Variants in DLG5 observed in about 807,000 individuals in gnomAD.
DLG5 encodes the protein discs large MAGUK scaffold protein 5, also known as disks large homolog 5.
DLG5 carries 48 observed loss-of-function variants against 189.8 expected under a neutral mutation model. The observed-to-expected ratio is 0.25, with a 90% confidence interval of 0.20 to 0.32. The LOEUF (loss-of-function observed/expected upper bound fraction) is 0.32, where lower values mean the gene tolerates loss of function less well. Among genes scored for constraint, DLG5 ranks in the 10% least tolerant of loss-of-function variants. DLG5 has a pLI of 1.00. For missense variants in DLG5, 2,160 were observed against 2,544.7 expected (o/e 0.85, Z 3.25); for synonymous variants, 1,016 against 1,054.1 (o/e 0.96, Z 0.70).
At chr10:77,912,881 A>C (rs1432549379) in intron 1 of DLG5, among the ~76,000 whole-genome samples, 1 of 152,126 alleles carries the variant, frequency 6.6e-6, no homozygotes, top group Non-Finnish European at 1.5e-5. Flanking sequence ...TTAAACCAAA[A>C]GCAAGCAGAC....
At chr10:77,917,356 A>G (rs867841603) in intron 1 of DLG5, among the ~76,000 whole-genome samples, 11 of 151,734 alleles carry the variant, frequency 7.2e-5, no homozygotes, top group African/African-American at 2.7e-4. Flanking sequence ...AAAAACAAAC[A>G]AACAAAAAAA....
At chr10:77,813,395 T>C (rs1841882267) in intron 20 of DLG5, among the ~76,000 whole-genome samples, 1 of 152,152 alleles carries the variant, frequency 6.6e-6, no homozygotes, top group Non-Finnish European at 1.5e-5. Context: ...TGTGGCCCTA[T>C]GCCCCAGCCC....
intron 18 of DLG5, among the ~76,000 whole-genome samples, chr10:77,817,311 G>A (rs773425252): frequency 2.0e-5 from 3 of 152,178 alleles, no homozygotes; most frequent in East Asian, 3.9e-4. Flanking sequence ...GAACAGGAGC[G>A]CACAAGTCTC....
chr10:77,828,847 C>T lies in DLG5; in HGVS notation c.2289+35G>A, dbSNP rs193226211. 50 of 1,596,122 alleles carry T rather than the reference C, an allele frequency of 3.1e-5. No individual in the cohort carries two copies. In the South Asian group the frequency reaches 4.8e-4, roughly 15 times the overall value. On this transcript the variant is annotated intron_variant, in intron 13 of 31. Coordinates refer to ENST00000372391, the MANE Select transcript of DLG5 (RefSeq NM_004747.4). ...CTCCCAAATGTAATCTGCCTATGCA[C>T]GGCAGATGACCCTGGCTCCAGCCTT... is the stretch of plus-strand genomic sequence containing the variant.
chr10:77,817,035 A>G lies in DLG5; in HGVS notation c.3846T>C (p.Tyr1282=). 6.2e-7 allele frequency: 1 copy of G among 1,614,120 alleles called. No individual in the cohort carries two copies. Among genetic ancestry groups the G allele is most frequent in the Non-Finnish European group, 8.5e-7 (1 of 1,180,044 alleles). ...ERIKIPSTPR[Y]PRSVVGSERG... ...TCTCGGAGCCCACGACACTCCGCGG[A>G]TATCTTGGTGTTGATGGGATTTTAA... Residue 1282 remains tyrosine (Y), a synonymous_variant, in exon 19 of 32, where the codon TAT becomes TAC. Transcript: ENST00000372391.
chr10:77,898,658 C>T (rs1424398565), intron 1 of DLG5, among the ~76,000 whole-genome samples: 1 of 152,216 alleles, frequency 6.6e-6, no homozygotes, highest in Non-Finnish European at 1.5e-5. Context: ...GCGGCTGGGC[C>T]CCGCGTCTAT....
chr10:77,936,376 T>C, the DLG5 span, among the ~76,000 whole-genome samples: 1 of 147,480 alleles, frequency 6.8e-6, no homozygotes, highest in Non-Finnish European at 1.5e-5. Flanking sequence ...AGTTGGAGGT[T>C]GCAGTGAGCC....
intron 1 of DLG5, among the ~76,000 whole-genome samples, chr10:77,916,813 A>T (rs938669116): frequency 1.3e-5 from 2 of 151,522 alleles, no homozygotes; most frequent in Non-Finnish European, 2.9e-5. Flanking sequence ...TTGTACACCC[A>T]TGGTGTCATA....
At chr10:77,857,875 C>T (rs1293148421) in intron 2 of DLG5, among the ~76,000 whole-genome samples, 3 of 152,194 alleles carry the variant, frequency 2.0e-5, no homozygotes, top group African/African-American at 7.2e-5. Flanking sequence ...TGTCAGGGGA[C>T]ACAGTGTCTG....
At chr10:77,824,596 C>T (rs1842524150) in intron 13 of DLG5, 120 bp from the exon 14 acceptor site, 1 of 732,404 alleles carries the variant, frequency 1.4e-6, no homozygotes, top group African/African-American at 1.8e-5. Flanking sequence ...GTGCCAAAGT[C>T]AGGAGTTGGC....
chr10:77,918,595 AT>A (rs1178634756), intron 1 of DLG5, among the ~76,000 whole-genome samples: 1 of 152,166 alleles, frequency 6.6e-6, no homozygotes, highest in Admixed American at 6.5e-5. Flanking sequence ...AAACATCTCT[AT>A]TTGGTTTAAA....
intron 1 of DLG5, among the ~76,000 whole-genome samples, chr10:77,917,394 T>C (rs1351325527): frequency 1.3e-5 from 2 of 151,640 alleles, no homozygotes; most frequent in Non-Finnish European, 2.9e-5. Context: ...CATGTGCCTA[T>C]AGTCCCTGCT....
At chr10:77,810,137 C>G (rs765633918) in intron 23 of DLG5, among the ~76,000 whole-genome samples, 2 of 152,224 alleles carry the variant, frequency 1.3e-5, no homozygotes, top group Non-Finnish European at 2.9e-5. Context: ...CAAATGTCTA[C>G]GAAGAAGCTT....
chr10:77,804,939 G>C (rs1216091411), intron 27 of DLG5, among the ~76,000 whole-genome samples: 2 of 152,076 alleles, frequency 1.3e-5, no homozygotes, highest in Non-Finnish European at 2.9e-5. Context: ...TCTTACTGAG[G>C]CCAGCAATGC....
intron 26 of DLG5, 40 bp downstream of exon 26, chr10:77,806,718 A>AGGGCGCCC: frequency 7.5e-7 from 1 of 1,333,652 alleles, no homozygotes; most frequent in Non-Finnish European, 1.1e-6. Context: ...GCCCTCGGCG[A>AGGGCGCCC]CCCCTGCCCC....
intron 27 of DLG5, among the ~76,000 whole-genome samples, chr10:77,797,116 G>A (rs570442248): frequency 5.1e-4 from 78 of 152,320 alleles, no homozygotes; most frequent in African/African-American, 1.3e-3. Flanking sequence ...AGGGACCTGG[G>A]TCCTGGATGA....
In DLG5 at chr10:77,868,700, C is replaced by T. The variant is rs140419218; in HGVS notation, c.373+429G>A. The T allele has an allele frequency of 2.1e-3, 476 of 231,274 alleles. 2 individuals carry two copies. Among genetic ancestry groups the T allele is most frequent in the African/African-American group, 0.011 (454 of 42,172 alleles). 14.3% of individuals were successfully genotyped at this position (231,274 alleles called of 1,614,324 possible). ...TGCTGGACTTCAGAGAAGGGCTGGCCTCATTTTATGGGCTTTCTGAAACCC... is the reference window on the plus strand; with the variant it reads ...TGCTGGACTTCAGAGAAGGGCTGGCTTCATTTTATGGGCTTTCTGAAACCC... On this transcript the variant is annotated intron_variant, in intron 2 of 31. Transcript: ENST00000372391.
intron 7 of DLG5, among the ~76,000 whole-genome samples, chr10:77,838,024 C>G (rs1448733379): frequency 1.3e-5 from 2 of 152,120 alleles, no homozygotes. Context: ...GGTGAGGGCA[C>G]CTCCCTCTGC....
intron 2 of DLG5, among the ~76,000 whole-genome samples, chr10:77,862,631 T>C (rs78725364): frequency 0.029 from 4,456 of 152,292 alleles, 222 homozygotes; most frequent in African/African-American, 0.1. Flanking sequence ...AAATGAGAAT[T>C]TATGTTCAAA....
Sources: allele counts gnomAD v4.1 joint callset (sites outside exome capture counted in the v4.1 genomes callset), GRCh38; gene constraint gnomAD v4.1.1; transcripts MANE v1.5; gene names NCBI Gene and HGNC (gene_info 2026-07-23, HGNC 2026-07-21).